The following TFDP1 variants were observed in gnomAD, a reference collection of about 807,000 sequenced individuals.
The protein encoded by TFDP1 is DRTF1-polypeptide 1.
TFDP1 carries 6 observed loss-of-function variants against 48.0 expected under a neutral mutation model. That is an observed-to-expected ratio of 0.13 (90% CI 0.07 to 0.25). TFDP1 has a LOEUF of 0.25. Ranked by LOEUF, TFDP1 falls within the 10% of genes least tolerant of loss-of-function variation. The pLI is 1.00. For synonymous variants in TFDP1, 201 were observed against 211.6 expected, an observed-to-expected ratio of 0.95 and a Z score of 0.44; for missense variants, 335 against 543.0, an observed-to-expected ratio of 0.62 and a Z score of 3.81.
chr13:113,613,069 T>G (rs2048746600), intron 3 of TFDP1, among the ~76,000 whole-genome samples: 1 of 152,170 alleles, frequency 6.6e-6, no homozygotes, highest in Non-Finnish European at 1.5e-5. Flanking sequence ...CAGGCTGGAG[T>G]GCAGTGGCGC....
At chr13:113,634,305 A>G (rs766638075) in intron 7 of TFDP1, 6 of 635,078 alleles carry the variant, frequency 9.4e-6, no homozygotes, top group East Asian at 5.5e-5. Flanking sequence ...TTTAGATACC[A>G]TAGTTAAATC....
intron 2 of TFDP1, among the ~76,000 whole-genome samples, chr13:113,597,586 C>T (rs151014319): frequency 2.1e-3 from 325 of 152,350 alleles, no homozygotes; most frequent in African/African-American, 7.7e-3. Context: ...CGGCCAGCTG[C>T]CCTCCCTACA....
At position 113,598,166 on chromosome 13, in the gene TFDP1, C is replaced by G. The variant is rs2048330402; in HGVS notation, c.12+12317C>G. Among the ~76,000 whole-genome samples, 1 of 152,160 alleles carries G rather than the reference C, an allele frequency of 6.6e-6. No homozygotes were observed. Among genetic ancestry groups the G allele is most frequent in the Non-Finnish European group, 1.5e-5 (1 of 68,032 alleles). On this transcript the variant is annotated intron_variant, in intron 2 of 11. Transcript: ENST00000375370. The surrounding 1 kb of genome is among the most constrained non-coding windows in gnomAD (Gnocchi z 4.2). ...TCTGGTCCCTCTACTCCCCACCACC[C>G]CAGCCCTGGAAAACCGTGCCTGCCA...
rs1313253692 is a variant in TFDP1 at position 113,598,172 on chromosome 13, C to G, written c.12+12323C>G. Among the ~76,000 whole-genome samples the G allele has an allele frequency of 8.5e-5, 13 of 152,156 alleles. No homozygotes were observed. The highest frequency in any genetic ancestry group is 8.5e-4 in the Admixed American group (13 of 15,274). On this transcript the variant is annotated intron_variant, in intron 2 of 11. Transcript: ENST00000375370. The surrounding 1 kb of genome is among the most constrained non-coding windows in gnomAD (Gnocchi z 4.2). ...CCCTCTACTCCCCACCACCCCAGCCCTGGAAAACCGTGCCTGCCAGGTTCA... is the reference window on the plus strand; with the variant it reads ...CCCTCTACTCCCCACCACCCCAGCCGTGGAAAACCGTGCCTGCCAGGTTCA...
intron 2 of TFDP1, among the ~76,000 whole-genome samples, chr13:113,587,229 G>A (rs1418506098): frequency 6.6e-6 from 1 of 152,086 alleles, no homozygotes; most frequent in Non-Finnish European, 1.5e-5. Flanking sequence ...GGCTCTGCAG[G>A]ACCCTGAATG....
At chr13:113,611,627 C>T (rs1455978247) in intron 3 of TFDP1, among the ~76,000 whole-genome samples, 1 of 152,186 alleles carries the variant, frequency 6.6e-6, no homozygotes, top group Admixed American at 6.5e-5. Flanking sequence ...TTTTACACCT[C>T]GGAGTGGTGC....
chr13:113,615,101 C>T (rs1020583622), intron 3 of TFDP1, among the ~76,000 whole-genome samples: 2 of 152,196 alleles, frequency 1.3e-5, no homozygotes, highest in Non-Finnish European at 2.9e-5. Context: ...AGACATTTTG[C>T]ATCCACAGGC....
In TFDP1 at chr13:113,627,112, C is replaced by T. The variant is rs2049199422; in HGVS notation, c.186+3826C>T. On this transcript the variant is annotated intron_variant, in intron 4 of 11. Coordinates refer to ENST00000375370, the MANE Select transcript of TFDP1 (RefSeq NM_007111.5). This position sits in a 1 kb window ranked among gnomAD's most constrained non-coding sequence, Gnocchi z 4.1. ...AATGTTTCTTAAACCTTTTTATATA[C>T]CAGAGGTTTACAAAAAACTGGACTG... is the stretch of plus-strand genomic sequence containing the variant. Among the ~76,000 whole-genome samples, 1 of 152,134 alleles carries T rather than the reference C, an allele frequency of 6.6e-6. No homozygotes were observed. Among genetic ancestry groups the T allele is most frequent in the South Asian group, 2.1e-4 (1 of 4,824 alleles).
intron 2 of TFDP1, among the ~76,000 whole-genome samples, chr13:113,589,896 TCTCCC>T (rs1325243835): frequency 6.6e-6 from 1 of 152,174 alleles, no homozygotes; most frequent in Non-Finnish European, 1.5e-5. Flanking sequence ...GAGCTCTGCC[TCTCCC>T]CTCCCTACCT....
At chr13:113,630,452 C>T (rs890932295) in intron 4 of TFDP1, among the ~76,000 whole-genome samples, 16 of 152,070 alleles carry the variant, frequency 1.1e-4, no homozygotes, top group East Asian at 1.9e-4. Context: ...CCAGGGCCAC[C>T]GCAGGTGATG....
intron 10 of TFDP1, chr13:113,637,320 A>G: frequency 7.1e-6 from 2 of 279,944 alleles, no homozygotes; most frequent in South Asian, 6.9e-5. Context: ...TTATTCCCTG[A>G]GAGGGTCAGA....
rs1031528103 is a variant in TFDP1 at position 113,627,305 on chromosome 13, A to G, written c.186+4019A>G. Among the ~76,000 whole-genome samples, 5 of 152,224 alleles carry G rather than the reference A, an allele frequency of 3.3e-5. No individual in the cohort carries two copies. Among genetic ancestry groups the G allele is most frequent in the African/African-American group, 1.2e-4 (5 of 41,534 alleles). The stretch of plus-strand genomic sequence containing the variant: ...AGCCTGTGGTGCTGCAGAGCTCAGC[A>G]CGCGCACAGGAACGTGTGCGGGACA... On this transcript the variant is annotated intron_variant, in intron 4 of 11. Transcript: ENST00000375370. The surrounding 1 kb of genome is among the most constrained non-coding windows in gnomAD (Gnocchi z 4.1).
At chr13:113,593,069 TGTG>T (rs1407471349) in intron 2 of TFDP1, among the ~76,000 whole-genome samples, 40 of 144,818 alleles carry the variant, frequency 2.8e-4, no homozygotes, top group African/African-American at 1.0e-3. Flanking sequence ...AGGTGACAGG[TGTG>T]GTGTGCGCGG....
intron 4 of TFDP1, among the ~76,000 whole-genome samples, chr13:113,629,432 A>G (rs2049275191): frequency 1.3e-5 from 2 of 152,300 alleles, no homozygotes; most frequent in East Asian, 3.9e-4. Context: ...CCCAACTTAC[A>G]GTGGGTTTGA....
intron 9 of TFDP1, 30 bp downstream of exon 9, chr13:113,636,158 G>A (rs990433142): frequency 1.7e-5 from 28 of 1,610,664 alleles, no homozygotes; most frequent in Non-Finnish European, 2.3e-5. Flanking sequence ...CTGTTCCCTG[G>A]TCACCCATCT....
chr13:113,636,910 G>C (rs910993186), intron 10 of TFDP1, among the ~76,000 whole-genome samples: 1 of 152,322 alleles, frequency 6.6e-6, no homozygotes, highest in Middle Eastern at 3.4e-3. Flanking sequence ...CACTGGATAT[G>C]GGGGCCTTGA....
intron 2 of TFDP1, among the ~76,000 whole-genome samples, chr13:113,593,794 G>A (rs1265439869): frequency 1.7e-4 from 25 of 143,932 alleles, no homozygotes; most frequent in African/African-American, 4.7e-4. Flanking sequence ...CTGTGCACGC[G>A]TCCTCAGCTA....
Position 113,631,530 on chromosome 13 carries a change from A to G in TFDP1, c.187-93A>G. 3 of 1,473,582 alleles carry G rather than the reference A, an allele frequency of 2.0e-6. No homozygotes were observed. In the South Asian group the frequency reaches 4.2e-5, roughly 21 times the overall value. The allele number at this position is 1,473,582 out of a possible 1,614,324, so 91.3% of individuals were successfully genotyped here. On this transcript the variant is annotated intron_variant, in intron 4 of 11. Coordinates refer to ENST00000375370, the MANE Select transcript of TFDP1 (RefSeq NM_007111.5). Reference sequence around the variant, plus strand: ...CTGCTCACTGTGGTTAAGGAAATTCAGCAGTGGCTGCGGATAGCGAACAGA... The same window carrying G: ...CTGCTCACTGTGGTTAAGGAAATTCGGCAGTGGCTGCGGATAGCGAACAGA...
intron 4 of TFDP1, among the ~76,000 whole-genome samples, chr13:113,630,076 A>G (rs954943355): frequency 2.6e-5 from 4 of 152,108 alleles, no homozygotes; most frequent in Admixed American, 1.3e-4. Flanking sequence ...GTGCGGGGCC[A>G]GCGCGCTCTC....
Sources: allele counts gnomAD v4.1 joint callset (sites outside exome capture counted in the v4.1 genomes callset), GRCh38; gene constraint gnomAD v4.1.1; non-coding constraint Gnocchi (gnomAD v3.1); transcripts MANE v1.5; gene names NCBI Gene and HGNC (gene_info 2026-07-23, HGNC 2026-07-21).